The following FHIT variants were observed in gnomAD, a reference collection of about 807,000 sequenced individuals.
FHIT encodes bis(5'-adenosyl)-triphosphatase.
FHIT carries 19 observed loss-of-function variants against 17.9 expected under a neutral mutation model. The ratio of observed to expected loss-of-function variants is 1.06; its 90% CI spans 0.74 to 1.56. FHIT has a LOEUF of 1.56. Ranked by LOEUF, FHIT falls within the 40% of genes most tolerant of loss-of-function variation. The probability of loss-of-function intolerance (pLI) is 0.00; values close to 1 mark genes in which losing one functional copy is unlikely to be tolerated. For missense variants in FHIT, 248 were observed against 189.2 expected, an observed-to-expected ratio of 1.31 and a Z score of -1.82; for synonymous variants, 81 against 69.7, an observed-to-expected ratio of 1.16 and a Z score of -0.81.
At chr3:60,725,680 G>T (rs1391737866) in intron 4 of FHIT, among the ~76,000 whole-genome samples, 1 of 152,022 alleles carries the variant, frequency 6.6e-6, no homozygotes, top group African/African-American at 2.4e-5. Flanking sequence ...TCTATTTTCA[G>T]AATATGCTCA....
At chr3:60,191,984 C>T (rs1302273288) in intron 5 of FHIT, among the ~76,000 whole-genome samples, 2 of 152,064 alleles carry the variant, frequency 1.3e-5, no homozygotes, top group African/African-American at 4.8e-5. Context: ...TGGTGGCTCA[C>T]ACCTGTAATC....
rs1034142182 is a variant in FHIT, at chr3:60,014,252, G to GAACTCTC, written c.104-107_104-101dup. 4 of 1,199,012 alleles carry GAACTCTC rather than the reference G, an allele frequency of 3.3e-6. No homozygotes were observed. In the African/African-American group the frequency reaches 6.1e-5, roughly 18 times the overall value. 74.3% of individuals were successfully genotyped at this position (1,199,012 alleles called of 1,614,324 possible). Reference sequence around the variant, plus strand: ...ATTGAATCCTCTCGGACCAGGGCCTGAACTCTCAAAGACTAAGGAATGAAG... The same window carrying GAACTCTC: ...ATTGAATCCTCTCGGACCAGGGCCTGAACTCTCAACTCTCAAAGACTAAGGAATGAAG... On this transcript the variant is annotated intron_variant, in intron 5 of 9. Transcript: ENST00000492590.
intron 7 of FHIT, among the ~76,000 whole-genome samples, chr3:59,972,946 C>A (rs1056749370): frequency 6.6e-6 from 1 of 152,076 alleles, no homozygotes; most frequent in African/African-American, 2.4e-5. Flanking sequence ...CCTGACTTAT[C>A]TCTTCCTCAA....
chr3:60,322,040 C>T (rs1218249943), intron 5 of FHIT, among the ~76,000 whole-genome samples: 2 of 152,190 alleles, frequency 1.3e-5, no homozygotes, highest in Admixed American at 1.3e-4. Flanking sequence ...AATATTCATC[C>T]ATGCTTCTCA....
At chr3:61,181,289 T>C (rs970045298) in intron 2 of FHIT, among the ~76,000 whole-genome samples, 1 of 152,178 alleles carries the variant, frequency 6.6e-6, no homozygotes, top group East Asian at 1.9e-4. Context: ...CAAGAGGCTA[T>C]AGCAAATAAA....
intron 5 of FHIT, among the ~76,000 whole-genome samples, chr3:60,069,303 T>C (rs1702658062): frequency 6.6e-6 from 1 of 152,188 alleles, no homozygotes; most frequent in Non-Finnish European, 1.5e-5. Flanking sequence ...AAGTGTATTA[T>C]AAAAAATATC....
chr3:60,819,115 A>T (rs1258945112), intron 4 of FHIT, among the ~76,000 whole-genome samples: 2 of 147,468 alleles, frequency 1.4e-5, no homozygotes, highest in African/African-American at 5.1e-5. Context: ...AGTAGAACTT[A>T]CTTAGCCATA....
chr3:60,901,859 AG>A (rs1342281393), intron 3 of FHIT, among the ~76,000 whole-genome samples: 1 of 152,182 alleles, frequency 6.6e-6, no homozygotes, highest in Non-Finnish European at 1.5e-5. Context: ...CCACTCATCT[AG>A]CTGCTACTGA....
intron 3 of FHIT, among the ~76,000 whole-genome samples, chr3:60,853,097 G>A (rs1703218640): frequency 6.6e-6 from 1 of 151,936 alleles, no homozygotes; most frequent in African/African-American, 2.4e-5. Context: ...CACCATATAA[G>A]AGCCTCCTTT....
At chr3:60,010,323 G>A (rs779894657) in intron 7 of FHIT, among the ~76,000 whole-genome samples, 2 of 152,200 alleles carry the variant, frequency 1.3e-5, no homozygotes, top group Non-Finnish European at 2.9e-5. Flanking sequence ...GAGCAATTAG[G>A]AGGCTAGCCC....
intron 5 of FHIT, among the ~76,000 whole-genome samples, chr3:60,282,374 A>T (rs1707501584): frequency 6.6e-6 from 1 of 152,182 alleles, no homozygotes; most frequent in African/African-American, 2.4e-5. Flanking sequence ...ACATACTGCC[A>T]TATGACATTA....
chr3:60,833,984 T>C lies in FHIT; in HGVS notation c.-110-11973A>G, dbSNP rs548407025. Among the ~76,000 whole-genome samples, 10 of 152,304 alleles carry C rather than the reference T, an allele frequency of 6.6e-5. No individual in the cohort carries two copies. In the South Asian group the frequency reaches 1.9e-3, roughly 28 times the overall value. Reference sequence around the variant, plus strand: ...CATGTATTAATAATTCATTGCTGAGTAGTATTCGATGGTATGGATGGACCA... The same window carrying C: ...CATGTATTAATAATTCATTGCTGAGCAGTATTCGATGGTATGGATGGACCA... On this transcript the variant is annotated intron_variant, in intron 3 of 9. Coordinates refer to ENST00000492590, the MANE Select transcript of FHIT (RefSeq NM_002012.4).
chr3:61,096,459 C>T (rs2035642113), intron 2 of FHIT, among the ~76,000 whole-genome samples: 1 of 152,144 alleles, frequency 6.6e-6, no homozygotes, highest in African/African-American at 2.4e-5. Context: ...AAGATTGAAC[C>T]AACTCACCCT....
At chr3:61,226,505 G>C (rs900050937) in intron 1 of FHIT, among the ~76,000 whole-genome samples, 1 of 152,114 alleles carries the variant, frequency 6.6e-6, no homozygotes, top group Non-Finnish European at 1.5e-5. Flanking sequence ...TGAGGACTGT[G>C]TGCTGAAGCA....
intron 5 of FHIT, among the ~76,000 whole-genome samples, chr3:60,442,013 C>T (rs2030927230): frequency 6.6e-6 from 1 of 150,466 alleles, no homozygotes; most frequent in African/African-American, 2.4e-5. Context: ...TGCATGCTAC[C>T]ATGCCTGACT....
intron 1 of FHIT, among the ~76,000 whole-genome samples, chr3:61,239,443 C>T (rs1313248028): frequency 6.6e-6 from 1 of 152,114 alleles, no homozygotes; most frequent in Non-Finnish European, 1.5e-5. Context: ...TTAATACCAG[C>T]TCTTCATATG....
chr3:60,607,186 C>T (rs1212740398), intron 4 of FHIT, among the ~76,000 whole-genome samples: 1 of 152,128 alleles, frequency 6.6e-6, no homozygotes, highest in African/African-American at 2.4e-5. Flanking sequence ...AACCACACCA[C>T]TAAAGCCCTT....
chr3:60,876,247 G>A (rs541587427), intron 3 of FHIT, among the ~76,000 whole-genome samples: 1 of 152,144 alleles, frequency 6.6e-6, no homozygotes, highest in Non-Finnish European at 1.5e-5. Context: ...TTTAGGTAAT[G>A]GAACAATCTG....
At chr3:60,201,490 C>T (rs1177472517) in intron 5 of FHIT, among the ~76,000 whole-genome samples, 1 of 152,058 alleles carries the variant, frequency 6.6e-6, no homozygotes, top group African/African-American at 2.4e-5. Context: ...AGAGATGCTA[C>T]ACTGGGTAGA....
Sources: gnomAD v4.1 joint callset for allele counts (sites outside exome capture counted in the v4.1 genomes callset) on GRCh38, gnomAD v4.1.1 for gene constraint, MANE v1.5 for transcripts, NCBI Gene and HGNC (gene_info 2026-07-23, HGNC 2026-07-21) for gene names.